Variants in ITGA9 observed in about 807,000 individuals in gnomAD.
The protein encoded by ITGA9 is integrin alpha-9.
ITGA9 carries 56 observed loss-of-function variants against 127.8 expected under a neutral mutation model. That is an observed-to-expected ratio of 0.44 (90% CI 0.35 to 0.55). ITGA9 has a LOEUF of 0.55. Ranked by LOEUF, ITGA9 falls within the 20% of genes least tolerant of loss-of-function variation. ITGA9 has a pLI of 0.00. For missense variants in ITGA9, 1,196 were observed against 1,347.1 expected (o/e 0.89, Z 1.76); for synonymous variants, 508 against 514.5 (o/e 0.99, Z 0.17).
intron 18 of ITGA9, among the ~76,000 whole-genome samples, chr3:37,703,392 T>C (rs1438489064): frequency 1.3e-5 from 2 of 152,234 alleles, no homozygotes; most frequent in Non-Finnish European, 2.9e-5. Context: ...AGATTACAAC[T>C]TTCTTTTTCA....
intron 26 of ITGA9, 24 bp downstream of exon 26, chr3:37,785,102 C>T (rs932489060): frequency 6.5e-7 from 1 of 1,531,310 alleles, no homozygotes; most frequent in Admixed American, 1.7e-5. Context: ...CCCAGGACAG[C>T]CCTCCTCAGA....
intron 18 of ITGA9, among the ~76,000 whole-genome samples, chr3:37,700,675 C>A (rs1192669978): frequency 6.6e-6 from 1 of 152,178 alleles, no homozygotes; most frequent in African/African-American, 2.4e-5. Context: ...TTCATTGATT[C>A]ATACCTAGTA....
chr3:37,466,111 C>T (rs1025980842), intron 1 of ITGA9, among the ~76,000 whole-genome samples: 4 of 152,028 alleles, frequency 2.6e-5, no homozygotes, highest in Non-Finnish European at 5.9e-5. Flanking sequence ...TAACCCAGCA[C>T]CTGCACACTC....
At chr3:37,738,336 G>C in intron 20 of ITGA9, among the ~76,000 whole-genome samples, 1 of 152,212 alleles carries the variant, frequency 6.6e-6, no homozygotes, top group East Asian at 1.9e-4. Context: ...CAGTGAGGCT[G>C]TCCATGGGGC....
At chr3:37,698,585 T>C (rs1219400813) in intron 18 of ITGA9, among the ~76,000 whole-genome samples, 4 of 152,232 alleles carry the variant, frequency 2.6e-5, no homozygotes, top group African/African-American at 7.2e-5. Context: ...ATTATCCTGA[T>C]GATGGACATT....
At chr3:37,544,191 AG>A (rs1385678417) in intron 15 of ITGA9, among the ~76,000 whole-genome samples, 2 of 152,156 alleles carry the variant, frequency 1.3e-5, no homozygotes, top group Non-Finnish European at 2.9e-5. Flanking sequence ...CTAGTTACCA[AG>A]GGTACTGGCT....
intron 18 of ITGA9, among the ~76,000 whole-genome samples, chr3:37,713,364 A>G (rs1204396313): frequency 6.6e-6 from 1 of 152,134 alleles, no homozygotes; most frequent in Non-Finnish European, 1.5e-5. Context: ...GCAGTTAAAA[A>G]TCCATCAGCT....
At chr3:37,498,305 G>A (rs1050747359) in intron 5 of ITGA9, among the ~76,000 whole-genome samples, 3 of 152,164 alleles carry the variant, frequency 2.0e-5, no homozygotes, top group Non-Finnish European at 4.4e-5. Context: ...AGGGCATGGG[G>A]GAGACACCTC....
At chr3:37,750,963 C>T (rs1051801738) in intron 23 of ITGA9, among the ~76,000 whole-genome samples, 10 of 152,310 alleles carry the variant, frequency 6.6e-5, no homozygotes, top group African/African-American at 2.2e-4. Flanking sequence ...TATAGGGGCA[C>T]GTGAAGGACA....
intron 5 of ITGA9, among the ~76,000 whole-genome samples, chr3:37,495,294 C>G (rs1698716330): frequency 6.6e-6 from 1 of 152,152 alleles, no homozygotes; most frequent in Non-Finnish European, 1.5e-5. Flanking sequence ...ATTCCTTTTC[C>G]CAGATTCAGA....
chr3:37,664,442 T>TTTTTA (rs1553655957), intron 17 of ITGA9, among the ~76,000 whole-genome samples: 1 of 127,856 alleles, frequency 7.8e-6, no homozygotes, highest in Non-Finnish European at 1.6e-5. Flanking sequence ...TTTTTTTTTT[T>TTTTTA]AGACGGAGTT....
chr3:37,543,682 G>T (rs1306450039), intron 15 of ITGA9, among the ~76,000 whole-genome samples: 1 of 152,118 alleles, frequency 6.6e-6, no homozygotes, highest in Non-Finnish European at 1.5e-5. Flanking sequence ...CTGCAGATTA[G>T]AGATGAAGTG....
rs1322874974 is a variant in ITGA9 at position 37,512,109 on chromosome 3, CTTCCTTCCTTCT to C, written c.898-1650_898-1639del. Among the ~76,000 whole-genome samples, 49 of 92,914 alleles carry C rather than the reference CTTCCTTCCTTCT, an allele frequency of 5.3e-4. 2 individuals are homozygous for C. Among genetic ancestry groups the C allele is most frequent in the African/African-American group, 1.6e-3 (34 of 21,022 alleles). The allele number at this position is 92,914 out of a possible 152,430, so 61.0% of individuals were successfully genotyped here. A position where few individuals can be genotyped will look rare whatever the true frequency, so the allele number is the denominator to read the frequency against. ...CCTTCCTTCCTTCCTTCCTTCCTTC[CTTCCTTCCTTCT>C]TTCTTTTCTTTTCTTTTCTTTTCTT... On this transcript the variant is annotated intron_variant, in intron 8 of 27. Coordinates refer to ENST00000264741, the MANE Select transcript of ITGA9 (RefSeq NM_002207.3).
chr3:37,538,177 C>T (rs1699229737), intron 14 of ITGA9, among the ~76,000 whole-genome samples: 1 of 152,228 alleles, frequency 6.6e-6, no homozygotes, highest in Admixed American at 6.5e-5. Context: ...CCTGTGTTTC[C>T]ATGGTTAGCC....
intron 15 of ITGA9, among the ~76,000 whole-genome samples, chr3:37,574,316 G>A (rs891050668): frequency 1.3e-5 from 2 of 152,116 alleles, no homozygotes; most frequent in Non-Finnish European, 2.9e-5. Context: ...TCTTCAGAAC[G>A]TCCAACTTTA....
chr3:37,813,792 C>T (rs1697396855), intron 27 of ITGA9, among the ~76,000 whole-genome samples: 1 of 152,164 alleles, frequency 6.6e-6, no homozygotes, highest in Non-Finnish European at 1.5e-5. Flanking sequence ...AATTCTGACA[C>T]TTATTATAAG....
intron 15 of ITGA9, among the ~76,000 whole-genome samples, chr3:37,586,205 T>G (rs572654515): frequency 2.2e-4 from 34 of 152,340 alleles, no homozygotes; most frequent in Admixed American, 1.6e-3. Context: ...GATGTTCTAA[T>G]TGATACCAGA....
chr3:37,692,412 A>T (rs7622985), intron 18 of ITGA9, among the ~76,000 whole-genome samples: 65,496 of 145,694 alleles, frequency 0.45, 15,285 homozygotes, highest in South Asian at 0.57. Flanking sequence ...AGAGAGAGAG[A>T]GTGTGTGTGT....
At chr3:37,530,457 A>C (rs1699138602) in intron 13 of ITGA9, among the ~76,000 whole-genome samples, 1 of 152,114 alleles carries the variant, frequency 6.6e-6, no homozygotes, top group Non-Finnish European at 1.5e-5. Flanking sequence ...CAGCTAAGAG[A>C]AAACCTGGCT....
Sources: gnomAD v4.1 joint callset for allele counts (sites outside exome capture counted in the v4.1 genomes callset) on GRCh38, gnomAD v4.1.1 for gene constraint, MANE v1.5 for transcripts, NCBI Gene and HGNC (gene_info 2026-07-23, HGNC 2026-07-21) for gene names.